The following TMTC2 variants were observed in gnomAD, a reference collection of about 807,000 sequenced individuals.
TMTC2 encodes protein O-mannosyl-transferase TMTC2.
A neutral mutation model predicts 82.4 loss-of-function variants in TMTC2; 43 were observed. The observed-to-expected ratio is 0.52, with a 90% CI of 0.41 to 0.67. The LOEUF (loss-of-function observed/expected upper bound fraction) is 0.67, where lower values mean the gene tolerates loss of function less well. Among genes scored for constraint, TMTC2 ranks in the 30% least tolerant of loss-of-function variants. The pLI is 0.00. For missense variants in TMTC2, 919 were observed against 1,012.4 expected (o/e 0.91, Z 1.25); for synonymous variants, 408 against 381.9 (o/e 1.07, Z -0.80).
intron 9 of TMTC2, among the ~76,000 whole-genome samples, chr12:83,032,691 C>T (rs1881490400): frequency 6.6e-6 from 1 of 151,974 alleles, no homozygotes; most frequent in Admixed American, 6.6e-5. Flanking sequence ...ATTACAGGCA[C>T]CCACCACCAT....
chr12:82,787,605 G>A (rs1878242656), intron 1 of TMTC2, among the ~76,000 whole-genome samples: 3 of 152,090 alleles, frequency 2.0e-5, no homozygotes, highest in Admixed American at 2.0e-4. Flanking sequence ...ATTAAAAACA[G>A]ATATTAGGAA....
chr12:82,999,473 C>T lies in TMTC2; in HGVS notation c.2070+13427C>T, dbSNP rs147656531. On this transcript the variant is annotated intron_variant, in intron 8 of 11. Coordinates refer to ENST00000321196, the MANE Select transcript of TMTC2 (RefSeq NM_152588.3). ...AGACACTCAGTGTATTCCGTTTTCA[C>T]GCTGCTGATAAAGACACTCCCAAGA... 1.4e-4 allele frequency among the ~76,000 whole-genome samples: 21 copies of T among 152,232 alleles called. No individual in the cohort carries two copies. In the East Asian group the frequency reaches 3.7e-3, roughly 27 times the overall value.
intron 3 of TMTC2, among the ~76,000 whole-genome samples, chr12:82,905,903 T>A (rs1184106564): frequency 6.7e-6 from 1 of 149,398 alleles, no homozygotes; most frequent in Non-Finnish European, 1.5e-5. Context: ...CGAGATCGCG[T>A]CATTGCACCC....
intron 1 of TMTC2, among the ~76,000 whole-genome samples, chr12:82,754,262 A>G (rs1592902081): frequency 6.6e-6 from 1 of 152,180 alleles, no homozygotes; most frequent in Admixed American, 6.5e-5. Flanking sequence ...TAATTCACTG[A>G]GTTAAGAAAA....
intron 1 of TMTC2, among the ~76,000 whole-genome samples, chr12:82,853,918 CTTTGGCAG>C (rs1212047084): frequency 6.6e-6 from 1 of 150,510 alleles, no homozygotes; most frequent in Admixed American, 6.6e-5. Context: ...TGGCAACACT[CTTTGGCAG>C]TTTGGCAGTT....
chr12:82,692,400 GTCTT>G (rs1409220602), intron 1 of TMTC2, among the ~76,000 whole-genome samples: 3 of 152,170 alleles, frequency 2.0e-5, no homozygotes, highest in Non-Finnish European at 4.4e-5. Flanking sequence ...AACATAGTTT[GTCTT>G]TCTAACAGTT....
At chr12:82,875,408 A>C (rs1456680760) in intron 2 of TMTC2, among the ~76,000 whole-genome samples, 3 of 152,044 alleles carry the variant, frequency 2.0e-5, no homozygotes, top group Admixed American at 2.0e-4. Flanking sequence ...TGAGGAAGCA[A>C]ATCCTTAGAG....
rs576194248 is a variant in TMTC2 at position 82,724,213 on chromosome 12, C to T, written c.83+36544C>T. ...ACTTTGGAGCCCTAAATGTGAGTAC[C>T]ACGGCATGCATTAAGAATCCTTCAT... On this transcript the variant is annotated intron_variant, in intron 1 of 11. Transcript: ENST00000321196. Among the ~76,000 whole-genome samples the T allele has an allele frequency of 2.6e-5, 4 of 152,202 alleles. No homozygotes were observed. The East Asian group carries it at 7.7e-4, about 29-fold the overall frequency.
At chr12:82,981,954 A>G (rs560355549) in intron 7 of TMTC2, among the ~76,000 whole-genome samples, 6 of 151,340 alleles carry the variant, frequency 4.0e-5, no homozygotes, top group South Asian at 2.1e-4. Flanking sequence ...GTAGAATGGT[A>G]TAGTGGAAAG....
At chr12:83,002,152 A>G (rs553901919) in intron 8 of TMTC2, among the ~76,000 whole-genome samples, 1 of 152,270 alleles carries the variant, frequency 6.6e-6, no homozygotes, top group East Asian at 1.9e-4. Context: ...TTCAATTTCA[A>G]AACTCATTAT....
chr12:82,857,387 G>A lies in TMTC2; in HGVS notation c.461G>A (p.Cys154Tyr), dbSNP rs147673211. Residue 154 changes from cysteine (C) to tyrosine (Y), a missense_variant, in exon 2 of 12, where the codon TGC becomes TAC. Cys to Tyr is a radical substitution (Grantham distance 194, BLOSUM62 -2). Transcript: ENST00000321196. ...CTCTTCTTTCTCCTCTCCTTGCTCTGCTACATTAAACACTGTTCTACAAGA... is the reference window on the plus strand; with the variant it reads ...CTCTTCTTTCTCCTCTCCTTGCTCTACTACATTAAACACTGTTCTACAAGA... ...ASLFFLLSLL[C>Y]YIKHCSTRGY... is the part of the protein sequence containing the mutation. 3.7e-6 allele frequency: 6 copies of A among 1,614,038 alleles called. No individual in the cohort carries two copies. Among genetic ancestry groups the A allele is most frequent in the Non-Finnish European group, 5.1e-6 (6 of 1,180,028 alleles).
intron 10 of TMTC2, 113 bp downstream of exon 10, chr12:83,051,131 T>C: frequency 1.5e-6 from 1 of 661,228 alleles, no homozygotes; most frequent in Non-Finnish European, 2.5e-6. Flanking sequence ...TCAATCACGC[T>C]GCTTAACTAT....
intron 11 of TMTC2, among the ~76,000 whole-genome samples, chr12:83,107,701 G>A (rs1479383648): frequency 6.6e-6 from 1 of 152,176 alleles, no homozygotes; most frequent in East Asian, 1.9e-4. Flanking sequence ...CATATCATGT[G>A]ACTCCAAAAC....
At chr12:83,014,151 AT>A (rs1380299714) in intron 8 of TMTC2, among the ~76,000 whole-genome samples, 1 of 151,924 alleles carries the variant, frequency 6.6e-6, no homozygotes, top group Non-Finnish European at 1.5e-5. Context: ...TAAGAATACT[AT>A]TTTTTTATTT....
intron 1 of TMTC2, among the ~76,000 whole-genome samples, chr12:82,785,887 G>C (rs1687039135): frequency 6.6e-6 from 1 of 152,116 alleles, no homozygotes; most frequent in African/African-American, 2.4e-5. Context: ...AAGGCACTGG[G>C]TAGAAGTTTA....
chr12:82,883,055 CAAAAAA>C (rs66496024), intron 2 of TMTC2, among the ~76,000 whole-genome samples: 8 of 68,258 alleles, frequency 1.2e-4, no homozygotes, highest in Non-Finnish European at 1.5e-4. Flanking sequence ...AACTTGGTCT[CAAAAAA>C]AAAAAAAAAA....
intron 1 of TMTC2, among the ~76,000 whole-genome samples, chr12:82,785,723 C>A (rs1349050438): frequency 6.6e-6 from 1 of 152,046 alleles, no homozygotes; most frequent in Non-Finnish European, 1.5e-5. Context: ...CACTGTCTAA[C>A]CTGATTTACA....
chr12:82,688,205 T>C (rs1445269184), intron 1 of TMTC2, among the ~76,000 whole-genome samples: 1 of 152,186 alleles, frequency 6.6e-6, no homozygotes, highest in East Asian at 1.9e-4. Context: ...GTATAGACTT[T>C]TACTTTGAGC....
At chr12:82,892,748 T>C (rs189657395) in intron 2 of TMTC2, among the ~76,000 whole-genome samples, 2 of 152,334 alleles carry the variant, frequency 1.3e-5, no homozygotes, top group Admixed American at 1.3e-4. Flanking sequence ...AATAGAATGT[T>C]CTTAGGCACA....
Sources: gnomAD v4.1 joint callset for allele counts (sites outside exome capture counted in the v4.1 genomes callset) on GRCh38, gnomAD v4.1.1 for gene constraint, MANE v1.5 for transcripts, NCBI Gene and HGNC (gene_info 2026-07-23, HGNC 2026-07-21) for gene names.